Variants in UIMC1 observed in about 807,000 individuals in gnomAD.
UIMC1 encodes the protein ubiquitin interaction motif containing 1.
UIMC1 carries 42 observed loss-of-function variants against 84.9 expected under a neutral mutation model. The observed-to-expected ratio is 0.49, with a 90% CI of 0.39 to 0.64. The LOEUF (loss-of-function observed/expected upper bound fraction) is 0.64. Ranked by LOEUF, UIMC1 falls within the 30% of genes least tolerant of loss-of-function variation. The pLI is 0.00. For missense variants in UIMC1, 825 were observed against 847.6 expected (o/e 0.97, Z 0.33); for synonymous variants, 281 against 293.0 (o/e 0.96, Z 0.42).
At chr5:176,969,449 G>A (rs942225741) in intron 5 of UIMC1, 152 bp downstream of exon 5, 30 of 1,266,488 alleles carry the variant, frequency 2.4e-5, no homozygotes, top group East Asian at 1.2e-4. Context: ...AAAGTATGCC[G>A]GATATTCTTA....
At chr5:176,946,518 AAAAGGAAAG>A (rs1342636751) in intron 9 of UIMC1, among the ~76,000 whole-genome samples, 6 of 148,030 alleles carry the variant, frequency 4.1e-5, no homozygotes, top group African/African-American at 1.5e-4. Context: ...CCTCCAAAAA[AAAAGGAAAG>A]AAAGAAAAGA....
chr5:176,991,169 G>A (rs1004747004), intron 1 of UIMC1, among the ~76,000 whole-genome samples: 9 of 151,532 alleles, frequency 5.9e-5, no homozygotes, highest in Non-Finnish European at 7.4e-5. Flanking sequence ...CACCACGCCC[G>A]GCTAATTTTT....
chr5:176,920,707 T>C (rs979248067), intron 10 of UIMC1, among the ~76,000 whole-genome samples: 1 of 152,242 alleles, frequency 6.6e-6, no homozygotes, highest in Non-Finnish European at 1.5e-5. Flanking sequence ...TAGGATTTTC[T>C]ATATAAAAGA....
chr5:176,909,108 T>A (rs1759780017), intron 11 of UIMC1, among the ~76,000 whole-genome samples: 1 of 152,250 alleles, frequency 6.6e-6, no homozygotes, highest in African/African-American at 2.4e-5. Flanking sequence ...TTGACATTTT[T>A]ACCAGGGTGG....
At chr5:176,934,666 T>A (rs940786090) in intron 10 of UIMC1, among the ~76,000 whole-genome samples, 3 of 152,254 alleles carry the variant, frequency 2.0e-5, no homozygotes, top group African/African-American at 7.2e-5. Context: ...ACAGAATTTC[T>A]CATAGTTAGT....
chr5:176,958,219 TAAAAAAA>T, intron 6 of UIMC1, 65 bp from the exon 7 acceptor site: 2 of 1,374,078 alleles, frequency 1.5e-6, no homozygotes, highest in Non-Finnish European at 2.0e-6. Context: ...CTTCCTTTTT[TAAAAAAA>T]TTTAATTGTT....
At chr5:176,984,634 G>A (rs937439270) in intron 1 of UIMC1, among the ~76,000 whole-genome samples, 2 of 151,382 alleles carry the variant, frequency 1.3e-5, no homozygotes, top group Admixed American at 6.6e-5. Context: ...TGACGATGGC[G>A]GTTTTGTCAA....
At chr5:176,937,459 C>T (rs1160999888) in intron 10 of UIMC1, among the ~76,000 whole-genome samples, 2 of 152,146 alleles carry the variant, frequency 1.3e-5, no homozygotes, top group Non-Finnish European at 2.9e-5. Context: ...TGCCACTGCA[C>T]TCCAGCCTGG....
chr5:176,979,347 G>A lies in UIMC1; in HGVS notation c.147+3122C>T, dbSNP rs145051792. Among the ~76,000 whole-genome samples, 1,386 of 152,256 alleles carry A rather than the reference G, an allele frequency of 9.1e-3. 8 individuals are homozygous for A. Among genetic ancestry groups the A allele is most frequent in the South Asian group, 0.025 (121 of 4,818 alleles). On this transcript the variant is annotated intron_variant, in intron 2 of 14. Coordinates refer to ENST00000511320, the MANE Select transcript of UIMC1 (RefSeq NM_001199298.2). ...AGAAAGGTGGAAAAGAGCTGGGTGCGGTGGCTCACGCCTGTAATCCCAACA... is the reference window on the plus strand; with the variant it reads ...AGAAAGGTGGAAAAGAGCTGGGTGCAGTGGCTCACGCCTGTAATCCCAACA...
At chr5:176,995,783 CG>C (rs1054007314) in intron 1 of UIMC1, among the ~76,000 whole-genome samples, 1 of 133,518 alleles carries the variant, frequency 7.5e-6, no homozygotes, top group African/African-American at 2.8e-5. Context: ...GCAGAGGTTG[CG>C]GTGAGCCGAG....
Position 177,021,895 on chromosome 5 carries a change from C to T in UIMC1, c.-9+569G>A, listed in dbSNP as rs182151333. Reference sequence around the variant, plus strand: ...CGAACTCCGGACCTCAGGTGATCCGCCCCCCCTTAGCCTCCCAAAGTGCTG... The same window carrying T: ...CGAACTCCGGACCTCAGGTGATCCGTCCCCCCTTAGCCTCCCAAAGTGCTG... On this transcript the variant is annotated intron_variant, in intron 1 of 5. Transcript: ENST00000509236. Among the ~76,000 whole-genome samples the T allele has an allele frequency of 8.1e-3, 1,232 of 151,924 alleles. 6 individuals carry two copies. Among genetic ancestry groups the T allele is most frequent in the Admixed American group, 0.012 (187 of 15,274 alleles).
At chr5:176,987,339 CTG>C (rs1772178897) in intron 1 of UIMC1, among the ~76,000 whole-genome samples, 1 of 151,916 alleles carries the variant, frequency 6.6e-6, no homozygotes, top group African/African-American at 2.4e-5. Context: ...ACAATCAAAA[CTG>C]AAATTTTAAA....
At position 176,905,121 on chromosome 5, in the gene UIMC1, T is replaced by C. The variant is rs1759183743; in HGVS notation, c.*161A>G. Reference sequence around the variant, plus strand: ...AAAACAGAATACACAGTTGTCTGCATAGATCATAAAAAACATAAAAACCAG... The same window carrying C: ...AAAACAGAATACACAGTTGTCTGCACAGATCATAAAAAACATAAAAACCAG... On this transcript the variant is annotated 3_prime_UTR_variant, in exon 15 of 15. Transcript: ENST00000511320. 7.7e-6 allele frequency: 5 copies of C among 653,584 alleles called. No homozygotes were observed. The highest frequency in any genetic ancestry group is 1.3e-5 in the Non-Finnish European group (5 of 386,164). 40.5% of individuals were successfully genotyped at this position (653,584 alleles called of 1,614,324 possible). A position where few individuals can be genotyped will look rare whatever the true frequency, so the allele number is the denominator to read the frequency against.
intron 10 of UIMC1, among the ~76,000 whole-genome samples, chr5:176,929,952 C>T (rs966539569): frequency 1.3e-5 from 2 of 152,152 alleles, no homozygotes; most frequent in Admixed American, 6.5e-5. Flanking sequence ...AAGTAAGTTT[C>T]ATATGGAGAA....
chr5:177,010,087 G>T (rs1775512438), upstream of UIMC1, among the ~76,000 whole-genome samples: 1 of 151,970 alleles, frequency 6.6e-6, no homozygotes, highest in Admixed American at 6.6e-5. Context: ...GTGGTGGTGT[G>T]TGTCTGTAGT....
rs766746797 is a variant in UIMC1 at position 176,975,359 on chromosome 5, C to A, written c.232+37G>T. 10 of 1,601,196 alleles carry A rather than the reference C, an allele frequency of 6.2e-6. No homozygotes were observed. The Admixed American group carries it at 1.0e-4, about 16-fold the overall frequency. Reference sequence around the variant, plus strand: ...AAATGTATCAGTTCTATGACTATTACAATTCCCAAACCATTATCAACAAAA... The same window carrying A: ...AAATGTATCAGTTCTATGACTATTAAAATTCCCAAACCATTATCAACAAAA... On this transcript the variant is annotated intron_variant, in intron 3 of 14. Coordinates refer to ENST00000511320, the MANE Select transcript of UIMC1 (RefSeq NM_001199298.2).
intron 10 of UIMC1, chr5:176,919,171 T>A: frequency 2.5e-6 from 1 of 406,160 alleles, no homozygotes; most frequent in Non-Finnish European, 4.8e-6. Flanking sequence ...GGCAAGTACC[T>A]GGGAGGCTGA....
intron 10 of UIMC1, among the ~76,000 whole-genome samples, chr5:176,935,196 T>G (rs1763581091): frequency 6.6e-6 from 1 of 152,224 alleles, no homozygotes; most frequent in Non-Finnish European, 1.5e-5. Flanking sequence ...GTTACATTTG[T>G]CATTCTCCAA....
intron 10 of UIMC1, among the ~76,000 whole-genome samples, chr5:176,937,601 A>G (rs986837231): frequency 6.6e-6 from 1 of 152,386 alleles, no homozygotes; most frequent in Non-Finnish European, 1.5e-5. Flanking sequence ...CAACTTAACC[A>G]GTGCGTAGTA....
Sources: gnomAD v4.1 joint callset for allele counts (sites outside exome capture counted in the v4.1 genomes callset) on GRCh38, gnomAD v4.1.1 for gene constraint, MANE v1.5 for transcripts, NCBI Gene and HGNC (gene_info 2026-07-23, HGNC 2026-07-21) for gene names.